The following TUBA3D variants were observed in gnomAD, a reference collection of about 807,000 sequenced individuals.
The protein encoded by TUBA3D is tubulin alpha-3D chain.
In TUBA3D, 24 loss-of-function variants were observed where a neutral mutation model predicts 36.1. The observed-to-expected ratio is 0.66, with a 90% CI of 0.48 to 0.93. The LOEUF is 0.93. Ranked by LOEUF, TUBA3D falls within the 40% of genes least tolerant of loss-of-function variation. The probability of loss-of-function intolerance (pLI) is 0.00; values close to 1 mark genes in which losing one functional copy is unlikely to be tolerated. For synonymous variants in TUBA3D, 185 were observed against 247.2 expected, an observed-to-expected ratio of 0.75 and a Z score of 2.36; for missense variants, 356 against 614.5, an observed-to-expected ratio of 0.58 and a Z score of 4.45.
intron 2 of TUBA3D, among the ~76,000 whole-genome samples, chr2:131,478,976 G>A (rs1388004818): frequency 6.6e-6 from 1 of 152,214 alleles, no homozygotes; most frequent in Non-Finnish European, 1.5e-5. Flanking sequence ...GGTTGTAAGA[G>A]TTTCTAACTT....
Position 131,482,837 on chromosome 2 carries a change from G to A in TUBA3D, c.1342G>A (p.Glu448Lys), listed in dbSNP as rs751253226. ...DSVEAEAEEG[E>K]EY ...CGTGGAAGCTGAGGCTGAAGAAGGC[G>A]AAGAATACTGAGGGGAGGGTGTGGT... The change falls in exon 5 of 5, where the codon GAA becomes AAA. Residue 448 changes from glutamate (E) to lysine (K), a missense_variant. Physicochemically the swap from Glu to Lys is moderately conservative, Grantham distance 56. Transcript: ENST00000321253. 3.1e-6 allele frequency: 5 copies of A among 1,613,036 alleles called. No homozygotes were observed. Among genetic ancestry groups the A allele is most frequent in the South Asian group, 1.1e-5 (1 of 91,034 alleles).
chr2:131,478,695 G>T, intron 2 of TUBA3D: 1 of 492,690 alleles, frequency 2.0e-6, no homozygotes, highest in Non-Finnish European at 3.6e-6. Flanking sequence ...CAGTGGCATT[G>T]GTTCCCTCCC....
chr2:131,476,242 A>G, intron 1 of TUBA3D, 40 bp downstream of exon 1: 1 of 1,613,760 alleles, frequency 6.2e-7, no homozygotes. Context: ...ATGCCCAGGC[A>G]GACGAAGTTG....
chr2:131,479,796 C>T (rs187611196), intron 3 of TUBA3D, among the ~76,000 whole-genome samples: 139 of 152,222 alleles, frequency 9.1e-4, no homozygotes, highest in African/African-American at 3.3e-3. Context: ...GCTGAGATTG[C>T]ACTACTGCAC....
At chr2:131,477,402 T>C (rs1378999465) in intron 1 of TUBA3D, among the ~76,000 whole-genome samples, 5 of 152,128 alleles carry the variant, frequency 3.3e-5, no homozygotes, top group African/African-American at 7.2e-5. Context: ...CTGGGAGCCA[T>C]TACAGGCTTC....
In TUBA3D at chr2:131,480,422, A is replaced by G. The variant is rs1678819216; in HGVS notation, c.729A>G (p.Arg243=). 1 of 1,588,402 alleles carries G rather than the reference A, an allele frequency of 6.3e-7. No individual in the cohort carries two copies. The highest frequency in any genetic ancestry group is 1.7e-5 in the Admixed American group (1 of 59,390). Residue 243 remains arginine (R), a synonymous_variant, in exon 4 of 5, where the codon CGA becomes CGG. Transcript: ENST00000321253. The part of the protein sequence containing the change: ...QIVSSITASL[R]FDGALNVDLT... Reference sequence around the variant, plus strand: ...TGTCCTCCATCACAGCCTCCCTGCGATTTGATGGGGCCCTGAATGTGGACT... The same window carrying G: ...TGTCCTCCATCACAGCCTCCCTGCGGTTTGATGGGGCCCTGAATGTGGACT...
At chr2:131,477,087 G>A (rs1050877222) in intron 1 of TUBA3D, among the ~76,000 whole-genome samples, 2 of 150,744 alleles carry the variant, frequency 1.3e-5, no homozygotes, top group Non-Finnish European at 3.0e-5. Context: ...GCCCAGGCTG[G>A]AGCACAGTTG....
chr2:131,476,138 A>T lies in TUBA3D; in HGVS notation c.-62A>T. On this transcript the variant is annotated 5_prime_UTR_variant, in exon 1 of 5. Transcript: ENST00000321253. Reference sequence around the variant, plus strand: ...GGCAGGAGGTTGCAGTTGGGCGCTCAGCAGCTGTGGCAGCCGGTTGAGGTC... The same window carrying T: ...GGCAGGAGGTTGCAGTTGGGCGCTCTGCAGCTGTGGCAGCCGGTTGAGGTC... 6.2e-7 allele frequency: 1 copy of T among 1,612,872 alleles called. No homozygotes were observed. Among genetic ancestry groups the T allele is most frequent in the Non-Finnish European group, 8.5e-7 (1 of 1,179,732 alleles).
intron 4 of TUBA3D, among the ~76,000 whole-genome samples, chr2:131,481,952 C>T (rs1230640333): frequency 6.6e-6 from 1 of 152,230 alleles, no homozygotes; most frequent in Non-Finnish European, 1.5e-5. Context: ...TCATGTTATG[C>T]CCGAGTTCTG....
chr2:131,479,772 G>A lies in TUBA3D; in HGVS notation c.376-297G>A, dbSNP rs528868109. 1.0e-3 allele frequency among the ~76,000 whole-genome samples: 156 copies of A among 152,246 alleles called. 1 individual carries two copies. The highest frequency in any genetic ancestry group is 3.6e-3 in the African/African-American group (148 of 41,540). ...GGAGAATTGCTTGAACCCGGAAGGC[G>A]GAGGTTGCAATGAGCTGAGATTGCA... On this transcript the variant is annotated intron_variant, in intron 3 of 4. Transcript: ENST00000321253.
intron 1 of TUBA3D, among the ~76,000 whole-genome samples, chr2:131,477,478 C>A (rs903754386): frequency 2.0e-5 from 3 of 152,018 alleles, no homozygotes. Flanking sequence ...GGGCAGCCTG[C>A]CAAAAGTGTG....
At chr2:131,481,475 G>T (rs1378209294) in intron 4 of TUBA3D, among the ~76,000 whole-genome samples, 2 of 142,456 alleles carry the variant, frequency 1.4e-5, no homozygotes, top group East Asian at 4.2e-4. Flanking sequence ...TTGCTCTGTC[G>T]CCCGGGTTGG....
intron 2 of TUBA3D, chr2:131,478,682 G>C (rs1202560734): frequency 1.9e-6 from 1 of 525,412 alleles, no homozygotes; most frequent in Non-Finnish European, 3.3e-6. Flanking sequence ...TGCCTGCAGG[G>C]TGCAGTGGCA....
chr2:131,478,190 G>T lies in TUBA3D; in HGVS notation c.30G>T (p.Gly10=). Residue 10 remains glycine (G), a synonymous_variant, in exon 2 of 5, where the codon GGG becomes GGT. Coordinates refer to ENST00000321253, the MANE Select transcript of TUBA3D (RefSeq NM_080386.4). ...GCGAGTGTATCTCTATCCACGTGGG[G>T]CAGGCGGGTGTCCAGATCGGCAATG... MRECISIHV[G]QAGVQIGNAC... is the part of the protein sequence containing the mutation. 1 of 1,613,384 alleles carries T rather than the reference G, an allele frequency of 6.2e-7. No individual in the cohort carries two copies. Among genetic ancestry groups the T allele is most frequent in the Non-Finnish European group, 8.5e-7 (1 of 1,179,490 alleles).
intron 4 of TUBA3D, among the ~76,000 whole-genome samples, 162 bp downstream of exon 4, chr2:131,480,911 T>C (rs1478159149): frequency 1.4e-5 from 2 of 143,410 alleles, no homozygotes; most frequent in Admixed American, 7.0e-5. Flanking sequence ...CAGTGATTTC[T>C]TTTTTTTTTT....
chr2:131,480,800 TA>T, intron 4 of TUBA3D, 51 bp downstream of exon 4: 5 of 1,580,522 alleles, frequency 3.2e-6, no homozygotes, highest in Non-Finnish European at 4.3e-6. Context: ...ATGCACAAAA[TA>T]ACACTGGCCC....
Position 131,480,660 on chromosome 2 carries a change from G to C in TUBA3D, c.967G>C (p.Val323Leu), listed in dbSNP as rs781528095. 1.2e-6 allele frequency: 2 copies of C among 1,613,766 alleles called. No individual in the cohort carries two copies. The highest frequency in any genetic ancestry group is 1.3e-5 in the African/African-American group (1 of 74,628). Residue 323 changes from valine (V) to leucine (L), a missense_variant, in exon 4 of 5, where the codon GTG becomes CTG. Coordinates refer to ENST00000321253, the MANE Select transcript of TUBA3D (RefSeq NM_080386.4). Reference protein sequence around the residue: ...MACCMLYRGDVVPKDVNAAIA... With the variant: ...MACCMLYRGDLVPKDVNAAIA... Reference sequence around the variant, plus strand: ...CTGCTGCATGTTGTACAGGGGGGACGTGGTCCCCAAAGACGTCAACGCGGC... The same window carrying C: ...CTGCTGCATGTTGTACAGGGGGGACCTGGTCCCCAAAGACGTCAACGCGGC...
intron 4 of TUBA3D, among the ~76,000 whole-genome samples, chr2:131,481,865 C>A (rs968638105): frequency 6.6e-6 from 1 of 152,246 alleles, no homozygotes; most frequent in African/African-American, 2.4e-5. Flanking sequence ...CACACCTGGC[C>A]TGATGTTGTC....
intron 4 of TUBA3D, 142 bp downstream of exon 4, chr2:131,480,891 A>T: frequency 8.4e-7 from 1 of 1,197,450 alleles, no homozygotes; most frequent in Non-Finnish European, 1.2e-6. Context: ...ACCAGAGTTG[A>T]TAATTGATTC....
Sources: allele counts gnomAD v4.1 joint callset (sites outside exome capture counted in the v4.1 genomes callset), GRCh38; gene constraint gnomAD v4.1.1; transcripts MANE v1.5; gene names NCBI Gene and HGNC (gene_info 2026-07-23, HGNC 2026-07-21).